Variants in HS3ST5 observed in about 807,000 individuals in gnomAD.
HS3ST5 encodes heparan sulfate-glucosamine 3-sulfotransferase 5.
HS3ST5 carries 10 observed loss-of-function variants against 25.4 expected under a neutral mutation model. That is an observed-to-expected ratio of 0.39 (90% CI 0.24 to 0.67). The LOEUF (loss-of-function observed/expected upper bound fraction) is 0.67. Among genes scored for constraint, HS3ST5 ranks in the 30% least tolerant of loss-of-function variants. HS3ST5 has a pLI of 0.44. For synonymous variants in HS3ST5, 170 were observed against 162.4 expected (o/e 1.05, Z -0.36); for missense variants, 324 against 420.7 (o/e 0.77, Z 2.01).
intron 3 of HS3ST5, among the ~76,000 whole-genome samples, chr6:114,094,061 A>T (rs1937322943): frequency 6.6e-6 from 1 of 152,222 alleles, no homozygotes. Context: ...ATTTATCCAG[A>T]CATAAGACAG....
At position 114,311,539 on chromosome 6, in the gene HS3ST5, C is replaced by CTTTTTT. The variant is rs11463610; in HGVS notation, c.-339+30650_-339+30655dup. Among the ~76,000 whole-genome samples, 189 of 84,888 alleles carry CTTTTTT rather than the reference C, an allele frequency of 2.2e-3. 2 individuals carry two copies. The highest frequency in any genetic ancestry group is 2.5e-3 in the Non-Finnish European group (119 of 47,752). The allele number at this position is 84,888 out of a possible 152,430, so 55.7% of individuals were successfully genotyped here. ...ACATATTTTCTTTCTTTCTCTCTCT[C>CTTTTTT]TTTTTTTTTTTTTTTTTTTTTTTGA... On this transcript the variant is annotated intron_variant, in intron 1 of 4. Transcript: ENST00000312719.
chr6:114,083,790 T>C (rs916006925), intron 3 of HS3ST5, among the ~76,000 whole-genome samples: 1 of 152,150 alleles, frequency 6.6e-6, no homozygotes, highest in African/African-American at 2.4e-5. Context: ...TTCTCCATTA[T>C]CTCTATTATC....
chr6:114,333,024 G>A (rs1562278817), intron 1 of HS3ST5, among the ~76,000 whole-genome samples: 1 of 152,114 alleles, frequency 6.6e-6, no homozygotes, highest in Non-Finnish European at 1.5e-5. Context: ...AAGGGATGCT[G>A]CAGGTTAGTA....
At chr6:114,258,226 C>T (rs1206298666) in intron 1 of HS3ST5, among the ~76,000 whole-genome samples, 4 of 152,170 alleles carry the variant, frequency 2.6e-5, no homozygotes, top group Non-Finnish European at 5.9e-5. Context: ...CATATGCCCT[C>T]CTCTGGAGAG....
At chr6:114,101,933 GCAAAC>G (rs1775756103) in intron 3 of HS3ST5, among the ~76,000 whole-genome samples, 2 of 152,158 alleles carry the variant, frequency 1.3e-5, no homozygotes, top group African/African-American at 4.8e-5. Context: ...ATTATCCTAA[GCAAAC>G]CAACTCAGGA....
At chr6:114,061,382 T>C (rs1773105604) in intron 4 of HS3ST5, among the ~76,000 whole-genome samples, 1 of 152,110 alleles carries the variant, frequency 6.6e-6, no homozygotes, top group Non-Finnish European at 1.5e-5. Context: ...TAACAACTAG[T>C]GAGTGAGACA....
intron 1 of HS3ST5, among the ~76,000 whole-genome samples, chr6:114,267,916 C>G (rs1773477518): frequency 6.6e-6 from 1 of 152,094 alleles, no homozygotes; most frequent in Non-Finnish European, 1.5e-5. Flanking sequence ...TCTCATGATC[C>G]AAGTATCTAT....
At chr6:114,147,709 T>C (rs979471995) in intron 3 of HS3ST5, among the ~76,000 whole-genome samples, 1 of 152,012 alleles carries the variant, frequency 6.6e-6, no homozygotes, top group African/African-American at 2.4e-5. Context: ...GCCTCCCGAG[T>C]AGCTGGGACT....
intron 1 of HS3ST5, among the ~76,000 whole-genome samples, chr6:114,336,097 C>G (rs565066240): frequency 3.3e-5 from 5 of 152,184 alleles, no homozygotes; most frequent in Admixed American, 6.5e-5. Context: ...AATGGAGAAC[C>G]ATGTATTCAA....
At chr6:114,101,042 T>C (rs1775702597) in intron 3 of HS3ST5, among the ~76,000 whole-genome samples, 1 of 152,242 alleles carries the variant, frequency 6.6e-6, no homozygotes, top group Non-Finnish European at 1.5e-5. Context: ...TATTTTTCTG[T>C]CTTTTTTTCT....
chr6:114,158,593 G>C (rs1778805888), intron 3 of HS3ST5, among the ~76,000 whole-genome samples: 1 of 152,168 alleles, frequency 6.6e-6, no homozygotes, highest in Non-Finnish European at 1.5e-5. Flanking sequence ...TTTGGCAAAA[G>C]TCAGTTGGCA....
At chr6:114,303,326 A>G (rs989702703) in intron 1 of HS3ST5, among the ~76,000 whole-genome samples, 4 of 147,348 alleles carry the variant, frequency 2.7e-5, no homozygotes, top group African/African-American at 1.0e-4. Context: ...CCCCACCTCA[A>G]AAGAAACCTG....
At chr6:114,278,571 C>A (rs1234429924) in intron 1 of HS3ST5, among the ~76,000 whole-genome samples, 1 of 146,756 alleles carries the variant, frequency 6.8e-6, no homozygotes, top group Non-Finnish European at 1.5e-5. Flanking sequence ...AGTGAGGGAC[C>A]ATGAACTCAT....
rs190085083 is a variant in HS3ST5 at position 114,300,670 on chromosome 6, T to C, written c.-339+41525A>G. The stretch of plus-strand genomic sequence containing the variant: ...TTCCTAGATACATATCCAAGAAAAA[T>C]AAAAACTTATGTCCACACACACAAA... On this transcript the variant is annotated intron_variant, in intron 1 of 4. Transcript: ENST00000312719. Among the ~76,000 whole-genome samples, 239 of 151,804 alleles carry C rather than the reference T, an allele frequency of 1.6e-3. 2 individuals carry two copies. Among genetic ancestry groups the C allele is most frequent in the African/African-American group, 5.5e-3 (227 of 41,376 alleles).
At chr6:114,158,321 T>G (rs1005307371) in intron 3 of HS3ST5, among the ~76,000 whole-genome samples, 1 of 152,264 alleles carries the variant, frequency 6.6e-6, no homozygotes, top group Admixed American at 6.5e-5. Flanking sequence ...TGTCTGTCTA[T>G]GCATAAATTA....
chr6:114,073,128 T>C (rs1004315775), intron 3 of HS3ST5, among the ~76,000 whole-genome samples: 4 of 152,182 alleles, frequency 2.6e-5, no homozygotes, highest in Non-Finnish European at 5.9e-5. Context: ...CCTTACACCT[T>C]ATACAAAAAT....
intron 1 of HS3ST5, among the ~76,000 whole-genome samples, chr6:114,305,487 G>C (rs1387494223): frequency 6.6e-6 from 1 of 152,046 alleles, no homozygotes; most frequent in Non-Finnish European, 1.5e-5. Context: ...ATGAAAAAGT[G>C]GCTAGTTCAG....
At chr6:114,069,914 G>T (rs1271278693) in intron 3 of HS3ST5, among the ~76,000 whole-genome samples, 1 of 152,022 alleles carries the variant, frequency 6.6e-6, no homozygotes, top group African/African-American at 2.4e-5. Flanking sequence ...TCTAGTGGTG[G>T]TTTACACTTA....
chr6:114,073,987 C>A (rs1773978612), intron 3 of HS3ST5, among the ~76,000 whole-genome samples: 1 of 152,144 alleles, frequency 6.6e-6, no homozygotes, highest in Admixed American at 6.5e-5. Flanking sequence ...GAGTTCATGT[C>A]CTTTGCAGAG....
Sources: gnomAD v4.1 joint callset for allele counts (sites outside exome capture counted in the v4.1 genomes callset) on GRCh38, gnomAD v4.1.1 for gene constraint, MANE v1.5 for transcripts, NCBI Gene and HGNC (gene_info 2026-07-23, HGNC 2026-07-21) for gene names.